Variants in SH3GL3 observed in about 807,000 individuals in gnomAD.
SH3GL3 encodes SH3 domain containing GRB2 like 3, endophilin A3, also known as endophilin-A3.
SH3GL3 carries 33 observed loss-of-function variants against 47.7 expected under a neutral mutation model. The ratio of observed to expected loss-of-function variants is 0.69; its 90% CI spans 0.52 to 0.92. The LOEUF is 0.92. SH3GL3 is among the 40% of genes least tolerant of loss of function. SH3GL3 has a pLI of 0.00. For missense variants in SH3GL3, 363 were observed against 417.8 expected, an observed-to-expected ratio of 0.87 and a Z score of 1.14; for synonymous variants, 155 against 148.8, an observed-to-expected ratio of 1.04 and a Z score of -0.30.
At chr15:83,540,329 C>T (rs564214629) in intron 1 of SH3GL3, among the ~76,000 whole-genome samples, 3 of 152,182 alleles carry the variant, frequency 2.0e-5, no homozygotes, top group Admixed American at 2.0e-4. Context: ...TGTTAATCTA[C>T]TGATTGTTTT....
intron 1 of SH3GL3, among the ~76,000 whole-genome samples, chr15:83,516,695 C>T (rs2042992260): frequency 6.6e-6 from 1 of 152,070 alleles, no homozygotes; most frequent in African/African-American, 2.4e-5. Flanking sequence ...AGCACCAAGT[C>T]ATGAGGGGTG....
At chr15:83,479,359 T>C (rs1297585824) in intron 1 of SH3GL3, among the ~76,000 whole-genome samples, 1 of 151,780 alleles carries the variant, frequency 6.6e-6, no homozygotes, top group Non-Finnish European at 1.5e-5. Context: ...GTGGTGTTGA[T>C]GTTGTTGTTC....
At chr15:83,483,971 A>G (rs2041484317) in intron 1 of SH3GL3, among the ~76,000 whole-genome samples, 1 of 152,218 alleles carries the variant, frequency 6.6e-6, no homozygotes, top group African/African-American at 2.4e-5. Context: ...TTGGTGCTAG[A>G]GAGAAAAGAA....
the SH3GL3 span, among the ~76,000 whole-genome samples, chr15:83,628,865 T>C: frequency 6.6e-6 from 1 of 151,870 alleles, no homozygotes; most frequent in Non-Finnish European, 1.5e-5. Flanking sequence ...AAAAAACTAA[T>C]AGAACTTATA....
intron 1 of SH3GL3, among the ~76,000 whole-genome samples, chr15:83,490,600 C>G (rs990551729): frequency 9.9e-5 from 15 of 152,112 alleles, no homozygotes; most frequent in African/African-American, 3.4e-4. Flanking sequence ...TCACAGTTGG[C>G]CCCCCTACAA....
the SH3GL3 span, among the ~76,000 whole-genome samples, chr15:83,631,180 G>A: frequency 6.6e-6 from 1 of 152,188 alleles, no homozygotes. Flanking sequence ...TCACACTGAT[G>A]CAAGAGGTGG....
chr15:83,463,156 CT>C (rs1467413137), intron 1 of SH3GL3, among the ~76,000 whole-genome samples: 3 of 152,278 alleles, frequency 2.0e-5, no homozygotes, highest in Middle Eastern at 3.4e-3. Flanking sequence ...CAAGAAATTC[CT>C]TCACAGCTTT....
chr15:83,506,476 G>A (rs575044781), intron 1 of SH3GL3, among the ~76,000 whole-genome samples: 1 of 152,170 alleles, frequency 6.6e-6, no homozygotes, highest in Admixed American at 6.5e-5. Flanking sequence ...TGTGCTCTGC[G>A]GGACACATCT....
intron 8 of SH3GL3, among the ~76,000 whole-genome samples, chr15:83,614,902 G>A (rs906764161): frequency 1.3e-5 from 2 of 152,082 alleles, no homozygotes; most frequent in Non-Finnish European, 2.9e-5. Flanking sequence ...GGACAAAGGG[G>A]CATCTCATTT....
At chr15:83,572,721 A>G in intron 5 of SH3GL3, 23 bp downstream of exon 5, 2 of 1,534,940 alleles carry the variant, frequency 1.3e-6, no homozygotes, top group African/African-American at 2.7e-5. Flanking sequence ...GGGTATAAAT[A>G]TACCTGTTGC....
At chr15:83,611,748 C>G (rs754801434) in intron 8 of SH3GL3, among the ~76,000 whole-genome samples, 50 of 152,098 alleles carry the variant, frequency 3.3e-4, no homozygotes, top group Non-Finnish European at 5.6e-4. Flanking sequence ...GTGCTGGCTT[C>G]TGATGGTGGG....
At chr15:83,632,429 G>A in the SH3GL3 span, among the ~76,000 whole-genome samples, 1 of 152,214 alleles carries the variant, frequency 6.6e-6, no homozygotes, top group Admixed American at 6.5e-5. Flanking sequence ...GTGTGCAGAA[G>A]CACCCCACTC....
chr15:83,480,029 T>C (rs1240231061), intron 1 of SH3GL3, among the ~76,000 whole-genome samples: 1 of 152,238 alleles, frequency 6.6e-6, no homozygotes, highest in Non-Finnish European at 1.5e-5. Flanking sequence ...CTTCAGGTTC[T>C]TTTTCAGTGT....
intron 1 of SH3GL3, among the ~76,000 whole-genome samples, chr15:83,486,227 A>G (rs1373311392): frequency 6.6e-6 from 1 of 150,658 alleles, no homozygotes; most frequent in Non-Finnish European, 1.5e-5. Flanking sequence ...TGTCTCTTAT[A>G]CTGCTTTTTT....
intron 8 of SH3GL3, among the ~76,000 whole-genome samples, chr15:83,615,005 T>A (rs2060776511): frequency 6.6e-6 from 1 of 152,098 alleles, no homozygotes; most frequent in South Asian, 2.1e-4. Context: ...GCAGAACTTG[T>A]TCAATTCTCA....
At chr15:83,550,911 T>A (rs1033849301) in intron 1 of SH3GL3, among the ~76,000 whole-genome samples, 30 of 152,222 alleles carry the variant, frequency 2.0e-4, no homozygotes, top group African/African-American at 7.2e-4. Context: ...AATCCTAAGT[T>A]ACAAATTTTG....
intron 3 of SH3GL3, among the ~76,000 whole-genome samples, chr15:83,566,845 T>G (rs1462231651): frequency 1.2e-4 from 18 of 152,158 alleles, no homozygotes; most frequent in Admixed American, 1.2e-3. Context: ...CACGGGAATG[T>G]CACTACTCAC....
chr15:83,590,498 A>G (rs1038406364), intron 8 of SH3GL3, among the ~76,000 whole-genome samples: 45 of 152,312 alleles, frequency 3.0e-4, no homozygotes, highest in African/African-American at 7.2e-4. Flanking sequence ...TTCCCAAACT[A>G]TCTTTCAGAG....
intron 8 of SH3GL3, among the ~76,000 whole-genome samples, chr15:83,617,268 C>T (rs558367422): frequency 2.0e-4 from 30 of 152,304 alleles, no homozygotes; most frequent in African/African-American, 7.2e-4. Flanking sequence ...TCTCTCCTCC[C>T]GGCCCTTGTC....
Sources: gnomAD v4.1 joint callset for allele counts (sites outside exome capture counted in the v4.1 genomes callset) on GRCh38, gnomAD v4.1.1 for gene constraint, MANE v1.5 for transcripts, NCBI Gene and HGNC (gene_info 2026-07-23, HGNC 2026-07-21) for gene names.